Variants in PLAAT3 observed in about 807,000 individuals in gnomAD.
PLAAT3 encodes phospholipase A and acyltransferase 3, also known as Ca-independent phospholipase A1/2.
Under a neutral mutation model 16.7 loss-of-function variants are expected in PLAAT3, and 21 were observed. The observed-to-expected ratio is 1.26, with a 90% confidence interval of 0.89 to 1.81. The LOEUF (loss-of-function observed/expected upper bound fraction) is 1.81. PLAAT3 is among the 40% of genes most tolerant of loss of function. PLAAT3 has a pLI of 0.00. For synonymous variants in PLAAT3, 76 were observed against 81.7 expected (o/e 0.93, Z 0.38); for missense variants, 219 against 213.7 (o/e 1.02, Z -0.16).
intron 4 of PLAAT3, among the ~76,000 whole-genome samples, chr11:63,575,432 G>A (rs2134386164): frequency 6.6e-6 from 1 of 152,370 alleles, no homozygotes; most frequent in East Asian, 1.9e-4. Flanking sequence ...TTATTGAGTA[G>A]TCAGTAACCT....
At chr11:63,575,824 T>C (rs2017651771) in intron 4 of PLAAT3, among the ~76,000 whole-genome samples, 2 of 152,008 alleles carry the variant, frequency 1.3e-5, no homozygotes, top group African/African-American at 4.8e-5. Flanking sequence ...AAAAGAATAC[T>C]CCAAAAGGAT....
chr11:63,581,406 A>C (rs2134394756), intron 4 of PLAAT3, among the ~76,000 whole-genome samples: 1 of 152,180 alleles, frequency 6.6e-6, no homozygotes. Flanking sequence ...CCGCTCTGGG[A>C]GTGTCTGTCT....
intron 4 of PLAAT3, among the ~76,000 whole-genome samples, chr11:63,587,972 G>A (rs1938027036): frequency 6.6e-6 from 1 of 152,058 alleles, no homozygotes; most frequent in African/African-American, 2.4e-5. Context: ...CTAGCACTTT[G>A]GGAGGCTGAG....
intron 4 of PLAAT3, among the ~76,000 whole-genome samples, chr11:63,576,635 A>G (rs1319520971): frequency 6.6e-6 from 1 of 152,258 alleles, no homozygotes; most frequent in Non-Finnish European, 1.5e-5. Context: ...TACTGTTTAT[A>G]TAAATCATAA....
chr11:63,599,360 G>T (rs1015541075), intron 2 of PLAAT3, among the ~76,000 whole-genome samples: 3 of 152,050 alleles, frequency 2.0e-5, no homozygotes, highest in Admixed American at 1.3e-4. Context: ...CCCACATCTC[G>T]CCAGCAAGCT....
chr11:63,579,872 TAA>T (rs34817353), intron 4 of PLAAT3, among the ~76,000 whole-genome samples: 30 of 107,086 alleles, frequency 2.8e-4, no homozygotes, highest in African/African-American at 5.4e-4. Context: ...TAAAGTATAA[TAA>T]AAAAAAAAAA....
intron 2 of PLAAT3, among the ~76,000 whole-genome samples, chr11:63,612,625 C>T (rs1938721541): frequency 6.6e-6 from 1 of 152,208 alleles, no homozygotes; most frequent in Admixed American, 6.5e-5. Flanking sequence ...TCATGGACAA[C>T]TTTTCAGAAG....
intron 4 of PLAAT3, 40 bp downstream of exon 4, chr11:63,590,060 G>A (rs776229165): frequency 1.9e-6 from 3 of 1,596,600 alleles, no homozygotes; most frequent in South Asian, 2.2e-5. Context: ...AGAGGGAATG[G>A]TCTGGTTCCT....
At position 63,614,166 on chromosome 11, in the gene PLAAT3, G is replaced by A. The variant is rs1009868092; in HGVS notation, c.-54-98C>T. On this transcript the variant is annotated intron_variant, in intron 1 of 4. Coordinates refer to ENST00000415826, the MANE Select transcript of PLAAT3 (RefSeq NM_001128203.2). ...TTCTGTTGGGCAGGGCGTGAGAGGC[G>A]CGCCTCGGACCCCAGGAACAACCAC... The A allele has an allele frequency of 5.8e-6, 6 of 1,028,130 alleles. No homozygotes were observed. The Admixed American group carries it at 8.2e-5, about 14-fold the overall frequency. 63.7% of individuals were successfully genotyped at this position (1,028,130 alleles called of 1,614,324 possible). A position where few individuals can be genotyped will look rare whatever the true frequency, so the allele number is the denominator to read the frequency against.
rs369971730 is a variant in PLAAT3 at position 63,598,182 on chromosome 11, G to A, written c.16-19C>T. On this transcript the variant is annotated intron_variant, in intron 2 of 4. Coordinates refer to ENST00000415826, the MANE Select transcript of PLAAT3 (RefSeq NM_001128203.2). The stretch of plus-strand genomic sequence containing the variant: ...GCTCTGGCTGCAAAACCAAGAACAG[G>A]GCTGTTAGAGGGAGCATGAGATCGT... The A allele has an allele frequency of 7.8e-6, 12 of 1,536,172 alleles. No homozygotes were observed. In the African/African-American group the frequency reaches 1.6e-4, roughly 21 times the overall value.
upstream of PLAAT3, among the ~76,000 whole-genome samples, chr11:63,614,801 G>A (rs12277154): frequency 0.016 from 2,438 of 151,426 alleles, 65 homozygotes; most frequent in African/African-American, 0.056. Context: ...AGATCACGAG[G>A]TCAAGAGATC....
At chr11:63,587,182 G>C (rs376375309) in intron 4 of PLAAT3, among the ~76,000 whole-genome samples, 25 of 152,322 alleles carry the variant, frequency 1.6e-4, no homozygotes, top group African/African-American at 6.0e-4. Flanking sequence ...AGGAGTGCCA[G>C]AGAATACAAA....
rs531895300 is a variant in PLAAT3 at position 63,605,852 on chromosome 11, C to CTTTG, written c.16-7693_16-7690dup. 1.5e-4 allele frequency among the ~76,000 whole-genome samples: 23 copies of CTTTG among 152,050 alleles called. No individual in the cohort carries two copies. The East Asian group carries it at 1.7e-3, about 12-fold the overall frequency. ...CAGACATGAGCCACCGCGCCTGGCC[C>CTTTG]TTTGTTTGTTTGTTTGTTTAATTTA... is the stretch of plus-strand genomic sequence containing the variant. On this transcript the variant is annotated intron_variant, in intron 2 of 4. Transcript: ENST00000415826.
chr11:63,603,366 T>C (rs1461976109), intron 2 of PLAAT3, among the ~76,000 whole-genome samples: 1 of 152,166 alleles, frequency 6.6e-6, no homozygotes, highest in Non-Finnish European at 1.5e-5. Context: ...GTTGAGACTC[T>C]GCACCCACGG....
intron 3 of PLAAT3, among the ~76,000 whole-genome samples, chr11:63,591,718 A>T (rs1336104210): frequency 2.0e-5 from 3 of 152,376 alleles, no homozygotes; most frequent in Admixed American, 2.0e-4. Context: ...CAGACTTGAT[A>T]GGAAAAGGGC....
In PLAAT3 at chr11:63,589,409, C is replaced by CAAAAAAAAAAAAAAAAAAAAAAAA. The variant is rs748851566; in HGVS notation, c.387+690_387+691insTTTTTTTTTTTTTTTTTTTTTTTT. On this transcript the variant is annotated intron_variant, in intron 4 of 4. Coordinates refer to ENST00000415826, the MANE Select transcript of PLAAT3 (RefSeq NM_001128203.2). ...CTTCCCAATGTTCTTTTCACCTATG[C>CAAAAAAAAAAAAAAAAAAAAAAAA]AAAGAAAAAAAAAAAAAAAAAGATG... 6.5e-5 allele frequency among the ~76,000 whole-genome samples: 2 copies of CAAAAAAAAAAAAAAAAAAAAAAAA among 30,750 alleles called. 1 individual carries two copies. Among genetic ancestry groups the CAAAAAAAAAAAAAAAAAAAAAAAA allele is most frequent in the Non-Finnish European group, 1.6e-4 (2 of 12,588 alleles). 20.2% of individuals were successfully genotyped at this position (30,750 alleles called of 152,430 possible). A position where few individuals can be genotyped will look rare whatever the true frequency, so the allele number is the denominator to read the frequency against.
Position 63,581,597 on chromosome 11 carries a change from A to C in PLAAT3, c.388-6551T>G, listed in dbSNP as rs546297546. ...GCACAGCAGGACACAGACCCTCATCAGTAATTCTAATTTTGCTTTCACCTT... is the reference window on the plus strand; with the variant it reads ...GCACAGCAGGACACAGACCCTCATCCGTAATTCTAATTTTGCTTTCACCTT... On this transcript the variant is annotated intron_variant, in intron 4 of 4. Transcript: ENST00000415826. 9.8e-5 allele frequency among the ~76,000 whole-genome samples: 15 copies of C among 152,318 alleles called. No individual in the cohort carries two copies. In the South Asian group the frequency reaches 3.1e-3, roughly 32 times the overall value.
At position 63,579,695 on chromosome 11, in the gene PLAAT3, G is replaced by C. The variant is rs568143347; in HGVS notation, c.388-4649C>G. Among the ~76,000 whole-genome samples the C allele has an allele frequency of 5.2e-5, 7 of 135,312 alleles. No individual in the cohort carries two copies. In the East Asian group the frequency reaches 1.6e-3, roughly 31 times the overall value. 88.8% of individuals were successfully genotyped at this position (135,312 alleles called of 152,430 possible). ...AATGAGAACACATGGACACAGGAAG[G>C]GGAACATCACACACCAGGGCCTGTT... is the stretch of plus-strand genomic sequence containing the variant. On this transcript the variant is annotated intron_variant, in intron 4 of 4. Transcript: ENST00000415826.
chr11:63,606,503 T>C lies in PLAAT3; in HGVS notation c.15+7497A>G, dbSNP rs142318615. 9.5e-3 allele frequency among the ~76,000 whole-genome samples: 1,395 copies of C among 146,420 alleles called. 27 individuals carry two copies. Among genetic ancestry groups the C allele is most frequent in the African/African-American group, 0.033 (1,321 of 39,440 alleles). On this transcript the variant is annotated intron_variant, in intron 2 of 4. Coordinates refer to ENST00000415826, the MANE Select transcript of PLAAT3 (RefSeq NM_001128203.2). The stretch of plus-strand genomic sequence containing the variant: ...AAATAATCTAGAATATGAGAAGAGA[T>C]CCGAAACCAACAGAAAGAAACAAAA...
Sources: allele counts gnomAD v4.1 joint callset (sites outside exome capture counted in the v4.1 genomes callset), GRCh38; gene constraint gnomAD v4.1.1; transcripts MANE v1.5; gene names NCBI Gene and HGNC (gene_info 2026-07-23, HGNC 2026-07-21).